OSCP1: variants seen among roughly 807,000 people sequenced by gnomAD.
The protein encoded by OSCP1 is protein OSCP1.
In OSCP1, 35 loss-of-function variants were observed where a neutral mutation model predicts 45.1. The observed-to-expected ratio is 0.78, with a 90% CI of 0.59 to 1.03. The LOEUF (loss-of-function observed/expected upper bound fraction) is 1.03. OSCP1 is among the 50% of genes least tolerant of loss of function. The probability of loss-of-function intolerance (pLI) is 0.00; values close to 1 mark genes in which losing one functional copy is unlikely to be tolerated. For missense variants in OSCP1, 400 were observed against 470.7 expected, an observed-to-expected ratio of 0.85 and a Z score of 1.39; for synonymous variants, 179 against 180.1, an observed-to-expected ratio of 0.99 and a Z score of 0.05.
At chr1:36,431,761 C>A in intron 4 of OSCP1, 41 bp downstream of exon 4, 1 of 1,594,254 alleles carries the variant, frequency 6.3e-7, no homozygotes, top group Non-Finnish European at 8.6e-7. Flanking sequence ...TTCCCTGGTA[C>A]AGCAGCTCCT....
At chr1:36,436,090 TTCTC>T (rs147805432) in intron 2 of OSCP1, among the ~76,000 whole-genome samples, 67 of 149,992 alleles carry the variant, frequency 4.5e-4, no homozygotes, top group African/African-American at 6.1e-4. Context: ...AAATTTTTCT[TTCTC>T]TCTCTCTCTA....
chr1:36,437,283 T>C (rs1199721147), intron 2 of OSCP1, among the ~76,000 whole-genome samples: 3 of 151,184 alleles, frequency 2.0e-5, no homozygotes, highest in African/African-American at 7.3e-5. Flanking sequence ...TTATTATTAT[T>C]ATTATCATTA....
chr1:36,422,595 T>C (rs1647719206), intron 6 of OSCP1, among the ~76,000 whole-genome samples, 173 bp downstream of exon 6: 1 of 152,190 alleles, frequency 6.6e-6, no homozygotes, highest in African/African-American at 2.4e-5. Flanking sequence ...ATGTTTGGCG[T>C]TCCTGGGTGC....
At chr1:36,430,307 C>G (rs1039112364) in intron 4 of OSCP1, among the ~76,000 whole-genome samples, 2 of 152,112 alleles carry the variant, frequency 1.3e-5, no homozygotes, top group Admixed American at 1.3e-4. Context: ...TCCCAAAGTG[C>G]TAGGATTACA....
chr1:36,449,316 G>T (rs1444002817), intron 1 of OSCP1, among the ~76,000 whole-genome samples: 1 of 152,146 alleles, frequency 6.6e-6, no homozygotes, highest in Non-Finnish European at 1.5e-5. Flanking sequence ...TTTTTCTGGG[G>T]ATTAGTGTGG....
intron 7 of OSCP1, 72 bp from the exon 8 acceptor site, chr1:36,420,687 A>G: frequency 1.3e-6 from 2 of 1,551,194 alleles, no homozygotes; most frequent in Non-Finnish European, 1.8e-6. Context: ...TCAGAGACAC[A>G]GGTAGGTATT....
intron 4 of OSCP1, 145 bp downstream of exon 4, chr1:36,431,657 T>C (rs1175226251): frequency 1.6e-6 from 1 of 627,210 alleles, no homozygotes; most frequent in African/African-American, 1.9e-5. Context: ...AGATGTATTA[T>C]CAATATCTTT....
chr1:36,420,919 C>A (rs1283172018), intron 7 of OSCP1, among the ~76,000 whole-genome samples: 1 of 152,132 alleles, frequency 6.6e-6, no homozygotes, highest in Admixed American at 6.5e-5. Flanking sequence ...GGCTTCCTTT[C>A]CTGTCAATCG....
intron 1 of OSCP1, among the ~76,000 whole-genome samples, chr1:36,449,055 G>T (rs1649712935): frequency 6.6e-6 from 1 of 152,172 alleles, no homozygotes; most frequent in Non-Finnish European, 1.5e-5. Flanking sequence ...ACACACAATA[G>T]TTAATATCTG....
intron 4 of OSCP1, among the ~76,000 whole-genome samples, chr1:36,425,578 C>G (rs920185292): frequency 6.6e-6 from 1 of 151,476 alleles, no homozygotes; most frequent in South Asian, 2.1e-4. Flanking sequence ...ACTAAAAATA[C>G]AAAAAATTAG....
At chr1:36,435,279 G>A (rs1466288705) in intron 2 of OSCP1, among the ~76,000 whole-genome samples, 1 of 149,906 alleles carries the variant, frequency 6.7e-6, no homozygotes, top group Non-Finnish European at 1.5e-5. Context: ...CTAATTTTTA[G>A]TAGAGATGAG....
chr1:36,442,874 A>G (rs1557567594), intron 1 of OSCP1, among the ~76,000 whole-genome samples: 1 of 152,182 alleles, frequency 6.6e-6, no homozygotes, highest in Non-Finnish European at 1.5e-5. Context: ...TGAATCAGAG[A>G]GTTTAAAGTC....
chr1:36,430,497 TG>T (rs1182931523), intron 4 of OSCP1, among the ~76,000 whole-genome samples: 4 of 151,924 alleles, frequency 2.6e-5, no homozygotes, highest in African/African-American at 9.7e-5. Flanking sequence ...TGCCAGGGCA[TG>T]GTGGCTCACA....
chr1:36,421,786 G>C (rs778421604), intron 7 of OSCP1, among the ~76,000 whole-genome samples: 1 of 152,214 alleles, frequency 6.6e-6, no homozygotes, highest in Admixed American at 6.5e-5. Flanking sequence ...AGCTACCACG[G>C]TGCTATAGAG....
Position 36,431,661 on chromosome 1 carries a change from T to C in OSCP1, c.516+141A>G, listed in dbSNP as rs1648368532. On this transcript the variant is annotated intron_variant, in intron 4 of 9. Coordinates refer to ENST00000235532, the MANE Select transcript of OSCP1 (RefSeq NM_145047.5). ...AAAAACTGCTGAGATGTATTATCAATATCTTTATCATTAGAGAGGCAAACC... is the reference window on the plus strand; with the variant it reads ...AAAAACTGCTGAGATGTATTATCAACATCTTTATCATTAGAGAGGCAAACC... 25 of 641,596 alleles carry C rather than the reference T, an allele frequency of 3.9e-5. No individual in the cohort carries two copies. The South Asian group carries it at 4.4e-4, about 11-fold the overall frequency. 39.7% of individuals were successfully genotyped at this position (641,596 alleles called of 1,614,324 possible).
At chr1:36,428,725 G>A (rs532301819) in intron 4 of OSCP1, among the ~76,000 whole-genome samples, 45 of 152,124 alleles carry the variant, frequency 3.0e-4, no homozygotes, top group Admixed American at 7.2e-4. Flanking sequence ...CGGGCGGATC[G>A]CCTGAGGTCA....
At chr1:36,419,160 T>A in intron 8 of OSCP1, 106 bp from the exon 9 acceptor site, 1 of 983,582 alleles carries the variant, frequency 1.0e-6, no homozygotes, top group Non-Finnish European at 1.6e-6. Context: ...CTGCCTCATC[T>A]GCCATTTCTC....
chr1:36,419,194 A>G, intron 8 of OSCP1, 140 bp from the exon 9 acceptor site: 2 of 736,486 alleles, frequency 2.7e-6, no homozygotes, highest in Non-Finnish European at 4.8e-6. Context: ...CCCATCTCCC[A>G]CCAATGTACC....
intron 4 of OSCP1, chr1:36,428,606 C>T: frequency 8.7e-7 from 1 of 1,147,570 alleles, no homozygotes; most frequent in Non-Finnish European, 1.2e-6. Flanking sequence ...TGCCCAAGGT[C>T]ATGGAGCTAG....
Sources: gnomAD v4.1 joint callset for allele counts (sites outside exome capture counted in the v4.1 genomes callset) on GRCh38, gnomAD v4.1.1 for gene constraint, MANE v1.5 for transcripts, NCBI Gene and HGNC (gene_info 2026-07-23, HGNC 2026-07-21) for gene names.